The following CTPS2 variants were observed in gnomAD, a reference collection of about 807,000 sequenced individuals.
CTPS2 encodes the protein CTP synthase II.
CTPS2 carries 19 observed loss-of-function variants against 46.8 expected under a neutral mutation model. The observed-to-expected ratio is 0.41, with a 90% CI of 0.28 to 0.60. CTPS2 has a LOEUF of 0.60. Ranked by LOEUF, CTPS2 falls within the 20% of genes least tolerant of loss-of-function variation. The pLI, the probability that CTPS2 is intolerant of heterozygous loss-of-function variation, is 0.35. For missense variants in CTPS2, 286 were observed against 447.6 expected (o/e 0.64, Z 3.26); for synonymous variants, 151 against 165.2 (o/e 0.91, Z 0.66).
intron 13 of CTPS2, chrX:16,651,274 C>A: frequency 1.7e-6 from 1 of 587,021 alleles, no homozygotes; most frequent in East Asian, 3.4e-5. Flanking sequence ...GGTTTCTTCC[C>A]CTTAAGTCAG....
At chrX:16,659,381 T>G (rs1932891361) in intron 13 of CTPS2, among the ~76,000 whole-genome samples, 2 of 110,763 alleles carry the variant, frequency 1.8e-5, no homozygotes, top group African/African-American at 6.6e-5. Flanking sequence ...GAAAGAACCT[T>G]GAGGGGAGCA....
intron 10 of CTPS2, 151 bp from the exon 11 acceptor site, chrX:16,670,825 C>A: frequency 2.6e-6 from 1 of 380,181 alleles, no homozygotes; most frequent in Non-Finnish European, 4.5e-6. Context: ...ACACCCTGAA[C>A]TTTTTTTCTG....
chrX:16,646,283 G>A (rs112879871), intron 13 of CTPS2, among the ~76,000 whole-genome samples: 2,052 of 112,419 alleles, frequency 0.018, 42 homozygotes, highest in African/African-American at 0.062. Context: ...CAGCTCTACT[G>A]CTGACCAGCA....
intron 14 of CTPS2, among the ~76,000 whole-genome samples, chrX:16,630,589 A>G (rs768331498): frequency 9.2e-6 from 1 of 108,344 alleles, no homozygotes; most frequent in African/African-American, 3.4e-5. Flanking sequence ...GACCAGATAC[A>G]CCTCCCTATA....
At chrX:16,678,211 T>C in intron 10 of CTPS2, 151 bp downstream of exon 10, 1 of 495,787 alleles carries the variant, frequency 2.0e-6, no homozygotes, top group Non-Finnish European at 3.7e-6. Flanking sequence ...ATCAACGCAG[T>C]ATGATCGTGG....
chrX:16,676,294 T>G (rs1296441990), intron 10 of CTPS2, among the ~76,000 whole-genome samples: 1 of 111,745 alleles, frequency 8.9e-6, no homozygotes, highest in Admixed American at 9.6e-5. Context: ...ACACAGTCCC[T>G]GTACAGGGTT....
intron 1 of CTPS2, among the ~76,000 whole-genome samples, chrX:16,711,221 A>G (rs1925443291): frequency 8.9e-6 from 1 of 112,442 alleles, no homozygotes; most frequent in African/African-American, 3.2e-5. Flanking sequence ...ATGTTATTTA[A>G]CCCAATGTAG....
chrX:16,610,765 A>G (rs1032730466), intron 16 of CTPS2, among the ~76,000 whole-genome samples: 1 of 112,489 alleles, frequency 8.9e-6, no homozygotes, highest in Non-Finnish European at 1.9e-5. Context: ...AGCAGTATTC[A>G]CAATAGCAAA....
At chrX:16,698,874 CAA>C (rs779596302) in intron 3 of CTPS2, 47 bp downstream of exon 3, 1 of 1,115,741 alleles carries the variant, frequency 9.0e-7, no homozygotes, top group Admixed American at 2.7e-5. Context: ...TTGAGCAGTA[CAA>C]AGATATTCAG....
intron 10 of CTPS2, among the ~76,000 whole-genome samples, chrX:16,676,004 C>T (rs1922236336): frequency 8.9e-6 from 1 of 112,357 alleles, no homozygotes; most frequent in South Asian, 3.6e-4. Context: ...GTAAAGTATA[C>T]TCCTGTGAAC....
chrX:16,653,167 C>A (rs1030400828), intron 13 of CTPS2, among the ~76,000 whole-genome samples: 1 of 110,560 alleles, frequency 9.0e-6, no homozygotes, highest in Non-Finnish European at 1.9e-5. Flanking sequence ...TTATTTCAAT[C>A]GGTTTTCTAA....
chrX:16,627,703 G>A (rs1479220307), intron 14 of CTPS2, among the ~76,000 whole-genome samples: 1 of 111,796 alleles, frequency 8.9e-6, no homozygotes, highest in East Asian at 2.8e-4. Flanking sequence ...GTGCAAAACT[G>A]ACTCAGTGCT....
intron 13 of CTPS2, among the ~76,000 whole-genome samples, chrX:16,663,816 T>A (rs2147289009): frequency 9.0e-6 from 1 of 111,411 alleles, no homozygotes; most frequent in African/African-American, 3.3e-5. Flanking sequence ...CTTAACTTTT[T>A]TACTCTGTGT....
At chrX:16,674,614 A>G (rs11094711) in intron 10 of CTPS2, among the ~76,000 whole-genome samples, 58,132 of 104,018 alleles carry the variant, frequency 0.56, 14,256 homozygotes, top group African/African-American at 0.91. Flanking sequence ...CAAGGTGGGC[A>G]GATCACGAGG....
Position 16,689,607 on chromosome X carries a change from T to C in CTPS2, c.721-6A>G, listed in dbSNP as rs1338558389. On this transcript the variant is annotated splice_polypyrimidine_tract_variant and splice_region_variant and intron_variant, in intron 7 of 18. Coordinates refer to ENST00000359276, the MANE Select transcript of CTPS2 (RefSeq NM_175859.3). ...ACATCATGGATACATATGACCTAAGTGGCGATGAGAAATCACCATACTTAG... is the reference window on the plus strand; with the variant it reads ...ACATCATGGATACATATGACCTAAGCGGCGATGAGAAATCACCATACTTAG... The C allele has an allele frequency of 8.4e-7, 1 of 1,195,633 alleles. No homozygotes were observed. Among genetic ancestry groups the C allele is most frequent in the Non-Finnish European group, 1.1e-6 (1 of 886,193 alleles).
At chrX:16,671,808 C>T (rs930711404) in intron 10 of CTPS2, among the ~76,000 whole-genome samples, 6 of 111,409 alleles carry the variant, frequency 5.4e-5, no homozygotes, top group African/African-American at 2.0e-4. Flanking sequence ...AGCCACCATG[C>T]CCAGCCTCCA....
intron 1 of CTPS2, among the ~76,000 whole-genome samples, chrX:16,705,505 A>G (rs1450964172): frequency 1.8e-5 from 2 of 112,102 alleles, no homozygotes; most frequent in Non-Finnish European, 3.8e-5. Context: ...TCCATCCCCA[A>G]AGTGAACAGG....
chrX:16,619,867 G>A (rs1486317731), intron 15 of CTPS2, among the ~76,000 whole-genome samples: 1 of 111,341 alleles, frequency 9.0e-6, no homozygotes, highest in Non-Finnish European at 1.9e-5. Flanking sequence ...ACCCAGGGAT[G>A]CACCCCCATC....
At chrX:16,701,605 AT>A (rs368196376) in intron 2 of CTPS2, among the ~76,000 whole-genome samples, 153 of 94,870 alleles carry the variant, frequency 1.6e-3, no homozygotes, top group East Asian at 2.4e-3. Flanking sequence ...GGACACAAAC[AT>A]TTTTTTTTTT....
Sources: allele counts gnomAD v4.1 joint callset (sites outside exome capture counted in the v4.1 genomes callset), GRCh38; gene constraint gnomAD v4.1.1; transcripts MANE v1.5; gene names NCBI Gene and HGNC (gene_info 2026-07-23, HGNC 2026-07-21).